THSD4: variants seen among roughly 807,000 people sequenced by gnomAD.
THSD4 encodes the protein thrombospondin type 1 domain containing 4, also known as thrombospondin type-1 domain-containing protein 4.
A neutral mutation model predicts 119.0 loss-of-function variants in THSD4; 69 were observed. The observed-to-expected ratio is 0.58, with a 90% CI of 0.48 to 0.71. The LOEUF (loss-of-function observed/expected upper bound fraction) is 0.71. Among genes scored for constraint, THSD4 ranks in the 30% least tolerant of loss-of-function variants. The pLI is 0.00. For synonymous variants in THSD4, 524 were observed against 540.4 expected, an observed-to-expected ratio of 0.97 and a Z score of 0.42; for missense variants, 1,393 against 1,391.1, an observed-to-expected ratio of 1.00 and a Z score of -0.02.
chr15:71,270,555 A>G (rs1002551096), intron 6 of THSD4, among the ~76,000 whole-genome samples: 3 of 152,172 alleles, frequency 2.0e-5, no homozygotes, highest in African/African-American at 7.2e-5. Context: ...TTTTACCTTC[A>G]TTTTACAGAT....
rs1017753316 is a variant in THSD4, at chr15:71,543,767, C to T, written c.1153-116763C>T. On this transcript the variant is annotated intron_variant, in intron 7 of 17. Transcript: ENST00000261862. ...TGTGGGCCGGGTGTGGTGGCTCATA[C>T]CTGTAATCCCAGCACTTTGGCAGGC... Among the ~76,000 whole-genome samples the T allele has an allele frequency of 3.3e-5, 5 of 152,274 alleles. No individual in the cohort carries two copies. In the South Asian group the frequency reaches 1.0e-3, roughly 32 times the overall value.
Position 71,411,950 on chromosome 15 carries a change from G to C in THSD4, c.1152+127G>C, listed in dbSNP as rs151279327. The C allele has an allele frequency of 8.2e-5, 104 of 1,267,262 alleles. 1 individual carries two copies. The African/African-American group carries it at 1.4e-3, about 17-fold the overall frequency. The allele number at this position is 1,267,262 out of a possible 1,614,324, so 78.5% of individuals were successfully genotyped here. A position where few individuals can be genotyped will look rare whatever the true frequency, so the allele number is the denominator to read the frequency against. ...CCACGTCAGGGCCACTCAACCATGC[G>C]CTCTGGGAGGAGTGGGCTGAGATGG... On this transcript the variant is annotated intron_variant, in intron 7 of 17. Transcript: ENST00000261862.
intron 6 of THSD4, among the ~76,000 whole-genome samples, chr15:71,348,668 T>C (rs901936748): frequency 1.3e-5 from 2 of 152,244 alleles, no homozygotes; most frequent in Non-Finnish European, 2.9e-5. Flanking sequence ...AGCCTTTGAT[T>C]AAAACTTATG....
rs552542769 is a variant in THSD4 at position 71,489,532 on chromosome 15, C to T, written c.1152+77709C>T. ...GATATGCCTTAGTCCCTCAGAGGTG[C>T]CCCTCACACTCCAGAAGTGCATTAT... is the stretch of plus-strand genomic sequence containing the variant. On this transcript the variant is annotated intron_variant, in intron 7 of 17. Coordinates refer to ENST00000261862, the MANE Select transcript of THSD4 (RefSeq NM_024817.3). Among the ~76,000 whole-genome samples the T allele has an allele frequency of 5.3e-5, 8 of 152,242 alleles. No individual in the cohort carries two copies. The South Asian group carries it at 1.7e-3, about 32-fold the overall frequency.
At chr15:71,440,916 A>G (rs1278801365) in intron 7 of THSD4, among the ~76,000 whole-genome samples, 7 of 152,178 alleles carry the variant, frequency 4.6e-5, no homozygotes, top group Non-Finnish European at 1.0e-4. Flanking sequence ...TGCAAAGTGA[A>G]CTGCTCTTCA....
At chr15:71,537,298 CA>C (rs564295686) in intron 7 of THSD4, among the ~76,000 whole-genome samples, 24 of 152,260 alleles carry the variant, frequency 1.6e-4, no homozygotes, top group African/African-American at 5.8e-4. Flanking sequence ...GTAGCCTTTG[CA>C]AAATGCAAAT....
At position 71,606,650 on chromosome 15, in the gene THSD4, C is replaced by T. The variant is rs528731265; in HGVS notation, c.1153-53880C>T. ...CCACCTCCCGGGTTCAAGCAATTCTCCTGCCTCAGCCTCCCGAGTAGCTGG... is the reference window on the plus strand; with the variant it reads ...CCACCTCCCGGGTTCAAGCAATTCTTCTGCCTCAGCCTCCCGAGTAGCTGG... On this transcript the variant is annotated intron_variant, in intron 7 of 17. Coordinates refer to ENST00000261862, the MANE Select transcript of THSD4 (RefSeq NM_024817.3). Among the ~76,000 whole-genome samples the T allele has an allele frequency of 2.1e-3, 320 of 152,296 alleles. 1 individual carries two copies. Among genetic ancestry groups the T allele is most frequent in the African/African-American group, 7.3e-3 (304 of 41,556 alleles).
At chr15:71,594,391 T>C (rs995071523) in intron 7 of THSD4, among the ~76,000 whole-genome samples, 1 of 152,068 alleles carries the variant, frequency 6.6e-6, no homozygotes, top group Admixed American at 6.6e-5. Flanking sequence ...GTATTTTTAG[T>C]AGAGACAGGG....
At chr15:71,536,966 A>G (rs1406977288) in intron 7 of THSD4, among the ~76,000 whole-genome samples, 1 of 152,182 alleles carries the variant, frequency 6.6e-6, no homozygotes, top group Non-Finnish European at 1.5e-5. Context: ...AGTCAATGGC[A>G]TGGTCACTCT....
intron 7 of THSD4, among the ~76,000 whole-genome samples, chr15:71,460,590 C>T (rs933324344): frequency 6.6e-6 from 1 of 152,132 alleles, no homozygotes; most frequent in South Asian, 2.1e-4. Context: ...CTGATTTATC[C>T]TGGGCCATTT....
intron 6 of THSD4, among the ~76,000 whole-genome samples, chr15:71,262,835 T>G (rs1184686491): frequency 6.6e-6 from 1 of 152,046 alleles, no homozygotes; most frequent in Non-Finnish European, 1.5e-5. Context: ...CGTGTAAGGG[T>G]GGGTGTATTT....
chr15:71,568,585 T>C (rs1172020971), intron 7 of THSD4, among the ~76,000 whole-genome samples: 2 of 151,718 alleles, frequency 1.3e-5, no homozygotes, highest in African/African-American at 2.4e-5. Context: ...TTTTTTTGTT[T>C]TTTGTTTTTC....
chr15:71,238,449 C>T (rs1596284972), intron 4 of THSD4, among the ~76,000 whole-genome samples: 1 of 152,146 alleles, frequency 6.6e-6, no homozygotes, highest in African/African-American at 2.4e-5. Flanking sequence ...AAAGACACTC[C>T]ATCCCTTTAG....
At position 71,411,367 on chromosome 15, in the gene THSD4, A is replaced by G. The variant is rs140202203; in HGVS notation, c.1016-320A>G. 2.9e-3 allele frequency among the ~76,000 whole-genome samples: 444 copies of G among 152,310 alleles called. 2 individuals carry two copies. The highest frequency in any genetic ancestry group is 4.9e-3 in the Non-Finnish European group (330 of 68,018). ...TGATTATGAAATGTCTAGAATAGGC[A>G]GATCAATAGAGACAGAAAGTAGATT... is the stretch of plus-strand genomic sequence containing the variant. On this transcript the variant is annotated intron_variant, in intron 6 of 17. Transcript: ENST00000261862.
chr15:71,737,737 C>G lies in THSD4; in HGVS notation c.1636C>G (p.Pro546Ala), dbSNP rs377197047. 2.5e-6 allele frequency: 4 copies of G among 1,607,744 alleles called. No individual in the cohort carries two copies. The highest frequency in any genetic ancestry group is 3.4e-6 in the Non-Finnish European group (4 of 1,176,866). Residue 546 changes from proline to alanine, a missense_variant, in exon 11 of 18, where the codon CCC becomes GCC. Transcript: ENST00000261862. ...TGCACGCTCACCTCTCCTAGGGGAA[C>G]CCTTCAATGGCCAGATGGTGACAGA... ...QVPPHRRPGE[P>A]FNGQMVTEGR...
intron 7 of THSD4, among the ~76,000 whole-genome samples, chr15:71,655,330 C>T (rs539000230): frequency 6.6e-6 from 1 of 152,152 alleles, no homozygotes; most frequent in South Asian, 2.1e-4. Context: ...TGAACCTTGG[C>T]CGATTTTGTT....
intron 6 of THSD4, among the ~76,000 whole-genome samples, chr15:71,305,391 A>C (rs2045010465): frequency 6.6e-6 from 1 of 152,148 alleles, no homozygotes; most frequent in Admixed American, 6.5e-5. Flanking sequence ...CTGTCTTCCC[A>C]AGATCACCCC....
intron 2 of THSD4, among the ~76,000 whole-genome samples, chr15:71,148,354 T>C (rs2040684762): frequency 6.6e-6 from 1 of 152,182 alleles, no homozygotes; most frequent in South Asian, 2.1e-4. Flanking sequence ...AAGCCCTAGG[T>C]GTCTGGAGTT....
At chr15:71,619,048 C>T (rs1055601368) in intron 7 of THSD4, among the ~76,000 whole-genome samples, 3 of 151,842 alleles carry the variant, frequency 2.0e-5, no homozygotes, top group Non-Finnish European at 4.4e-5. Flanking sequence ...TGGCTCACTG[C>T]AACCTCTGCC....
Sources: allele counts gnomAD v4.1 joint callset (sites outside exome capture counted in the v4.1 genomes callset), GRCh38; gene constraint gnomAD v4.1.1; transcripts MANE v1.5; gene names NCBI Gene and HGNC (gene_info 2026-07-23, HGNC 2026-07-21).